The following SLF2 variants were observed in gnomAD, a reference collection of about 807,000 sequenced individuals.
The protein encoded by SLF2 is SMC5/6 complex localization factor 2.
In SLF2, 68 loss-of-function variants were observed where a neutral mutation model predicts 124.3. That is an observed-to-expected ratio of 0.55 (90% confidence interval 0.45 to 0.67). The LOEUF is 0.67. SLF2 is among the 30% of genes least tolerant of loss of function. The probability of loss-of-function intolerance (pLI) is 0.00; values close to 1 mark genes in which losing one functional copy is unlikely to be tolerated. For missense variants in SLF2, 1,246 were observed against 1,373.7 expected (o/e 0.91, Z 1.47); for synonymous variants, 480 against 478.8 (o/e 1.00, Z -0.03).
chr10:100,960,098 C>T (rs535537939), intron 19 of SLF2, among the ~76,000 whole-genome samples: 1 of 152,258 alleles, frequency 6.6e-6, no homozygotes, highest in Non-Finnish European at 1.5e-5. Flanking sequence ...ATAAGTGAAT[C>T]CATGTTATAG....
intron 5 of SLF2, 108 bp from the exon 6 acceptor site, chr10:100,925,841 C>A: frequency 1.8e-6 from 2 of 1,081,388 alleles, no homozygotes; most frequent in Non-Finnish European, 2.6e-6. Context: ...TTATCCTGGC[C>A]CAGATTATTG....
At chr10:100,926,923 A>G (rs1201674690) in intron 6 of SLF2, among the ~76,000 whole-genome samples, 2 of 151,372 alleles carry the variant, frequency 1.3e-5, no homozygotes, top group Admixed American at 6.6e-5. Flanking sequence ...AAAAAAAAAA[A>G]GGGAATAAGA....
intron 16 of SLF2, 96 bp downstream of exon 16, chr10:100,950,303 A>G: frequency 8.0e-7 from 1 of 1,243,040 alleles, no homozygotes; most frequent in Non-Finnish European, 1.1e-6. Context: ...CTGGATTTGG[A>G]CACTAGACAC....
chr10:100,948,362 G>A (rs1850145133), intron 15 of SLF2, among the ~76,000 whole-genome samples: 1 of 152,160 alleles, frequency 6.6e-6, no homozygotes, highest in Non-Finnish European at 1.5e-5. Flanking sequence ...GGGTACTGGT[G>A]GCACACACCT....
chr10:100,957,330 A>AATTTT (rs1850349515), intron 18 of SLF2, among the ~76,000 whole-genome samples: 1 of 91,830 alleles, frequency 1.1e-5, no homozygotes, highest in Non-Finnish European at 1.9e-5. Context: ...GGAGTCTTCA[A>AATTTT]TTTTTTTTTT....
At chr10:100,922,576 A>C (rs1360602812) in intron 4 of SLF2, among the ~76,000 whole-genome samples, 1 of 152,094 alleles carries the variant, frequency 6.6e-6, no homozygotes, top group Non-Finnish European at 1.5e-5. Flanking sequence ...GATTTAGGGA[A>C]ATCTGGTTTG....
At chr10:100,925,115 G>A (rs1341649112) in intron 5 of SLF2, 143 bp downstream of exon 5, 4 of 940,882 alleles carry the variant, frequency 4.3e-6, no homozygotes, top group Non-Finnish European at 4.6e-6. Flanking sequence ...ATTCTTGTTT[G>A]GTAAATGAGT....
chr10:100,933,341 A>C (rs1454213700), intron 9 of SLF2, among the ~76,000 whole-genome samples: 3 of 152,194 alleles, frequency 2.0e-5, no homozygotes, highest in Non-Finnish European at 4.4e-5. Flanking sequence ...CAGACTAATC[A>C]TTCATTAAAC....
At chr10:100,951,430 TAC>T in intron 17 of SLF2, among the ~76,000 whole-genome samples, 1 of 152,306 alleles carries the variant, frequency 6.6e-6, no homozygotes, top group Admixed American at 6.5e-5. Flanking sequence ...GGCAGCAGGC[TAC>T]ACAGGAGAAC....
rs549592576 is a variant in SLF2 at position 100,948,159 on chromosome 10, G to T, written c.3120+312G>T. 2.6e-5 allele frequency among the ~76,000 whole-genome samples: 4 copies of T among 152,328 alleles called. No individual in the cohort carries two copies. The East Asian group carries it at 7.7e-4, about 29-fold the overall frequency. On this transcript the variant is annotated intron_variant, in intron 15 of 19. Coordinates refer to ENST00000238961, the MANE Select transcript of SLF2 (RefSeq NM_018121.4). ...TGATTTCATTTATTGAATTAGTTCA[G>T]CTTTTCCAAGTTAGCAATTTTATCA...
chr10:100,944,982 A>T (rs1850075170), intron 12 of SLF2, among the ~76,000 whole-genome samples: 1 of 151,800 alleles, frequency 6.6e-6, no homozygotes. Flanking sequence ...GTAAGCCGAG[A>T]TCACACCACT....
rs750331716 is a variant in SLF2 at position 100,963,801 on chromosome 10, C to G, written c.*1889C>G. The G allele has an allele frequency of 6.6e-6, 1 of 151,308 alleles. No individual in the cohort carries two copies. Among genetic ancestry groups the G allele is most frequent in the Non-Finnish European group, 1.5e-5 (1 of 67,804 alleles). The allele number at this position is 151,308 out of a possible 1,614,324, so 9.4% of individuals were successfully genotyped here. A position where few individuals can be genotyped will look rare whatever the true frequency, so the allele number is the denominator to read the frequency against. ...GTTATTCAGGTTTTTTTTTAATGACCCTTTTGTATTGCAGTTTCAACAGAT... is the reference window on the plus strand; with the variant it reads ...GTTATTCAGGTTTTTTTTTAATGACGCTTTTGTATTGCAGTTTCAACAGAT... On this transcript the variant is annotated 3_prime_UTR_variant, in exon 20 of 20. Coordinates refer to ENST00000238961, the MANE Select transcript of SLF2 (RefSeq NM_018121.4).
Position 100,944,943 on chromosome 10 carries a change from T to A in SLF2, c.2758-387T>A, listed in dbSNP as rs535702315. Among the ~76,000 whole-genome samples the A allele has an allele frequency of 3.4e-4, 51 of 151,848 alleles. 1 individual carries two copies. The highest frequency in any genetic ancestry group is 1.1e-3 in the African/African-American group (46 of 41,380). ...TACTGGGGAGGCTGAGGCGGGAGAATCACTTGAACCCGGGAGGTGGAGGTT... is the reference window on the plus strand; with the variant it reads ...TACTGGGGAGGCTGAGGCGGGAGAAACACTTGAACCCGGGAGGTGGAGGTT... On this transcript the variant is annotated intron_variant, in intron 12 of 19. Coordinates refer to ENST00000238961, the MANE Select transcript of SLF2 (RefSeq NM_018121.4).
chr10:100,932,718 T>TGCGC (rs1216137746), intron 9 of SLF2, among the ~76,000 whole-genome samples: 2 of 21,190 alleles, frequency 9.4e-5, no homozygotes, highest in African/African-American at 1.2e-4. Flanking sequence ...TGTGTGTGTG[T>TGCGC]GTGCGCGCGC....
rs551536489 is a variant in SLF2, at chr10:100,930,536, AG to A, written c.2334-437del. ...CAGCCAGTGTTTGCAGCTACAGATC[AG>A]GGTTCAGTTACCAAGAAGAAAGGCA... On this transcript the variant is annotated intron_variant, in intron 8 of 19. Coordinates refer to ENST00000238961, the MANE Select transcript of SLF2 (RefSeq NM_018121.4). Among the ~76,000 whole-genome samples, 303 of 152,346 alleles carry A rather than the reference AG, an allele frequency of 2.0e-3. 2 individuals are homozygous for A. Among genetic ancestry groups the A allele is most frequent in the African/African-American group, 6.9e-3 (285 of 41,572 alleles).
rs532178373 is a variant in SLF2, at chr10:100,916,393, C to G, written c.185-177C>G. Among the ~76,000 whole-genome samples the G allele has an allele frequency of 4.6e-5, 7 of 152,202 alleles. No homozygotes were observed. The East Asian group carries it at 1.3e-3, about 29-fold the overall frequency. On this transcript the variant is annotated intron_variant, in intron 2 of 19. Transcript: ENST00000238961. Reference sequence around the variant, plus strand: ...CTAAGGCTTTTAACAAATAAATCATCTCTTAATTTCTCCTATACCCCCCAA... The same window carrying G: ...CTAAGGCTTTTAACAAATAAATCATGTCTTAATTTCTCCTATACCCCCCAA...
At chr10:100,943,490 T>G (rs558717080) in intron 11 of SLF2, among the ~76,000 whole-genome samples, 1 of 152,258 alleles carries the variant, frequency 6.6e-6, no homozygotes, top group Non-Finnish European at 1.5e-5. Flanking sequence ...AAATTAAAAA[T>G]GTTATCTATC....
intron 1 of SLF2, chr10:100,913,979 T>G (rs959249315): frequency 4.8e-5 from 35 of 728,914 alleles, no homozygotes; most frequent in Non-Finnish European, 5.4e-5. Flanking sequence ...CCACAATCCC[T>G]TATCTTAACT....
intron 4 of SLF2, among the ~76,000 whole-genome samples, chr10:100,922,729 G>A (rs1369176234): frequency 6.6e-6 from 1 of 151,702 alleles, no homozygotes; most frequent in East Asian, 1.9e-4. Context: ...AGCCTCCTGA[G>A]TAGCTGGGAC....
Sources: gnomAD v4.1 joint callset for allele counts (sites outside exome capture counted in the v4.1 genomes callset) on GRCh38, gnomAD v4.1.1 for gene constraint, MANE v1.5 for transcripts, NCBI Gene and HGNC (gene_info 2026-07-23, HGNC 2026-07-21) for gene names.